BNC2: variants seen among roughly 807,000 people sequenced by gnomAD.
BNC2 encodes the protein zinc finger protein basonuclin-2.
BNC2 carries 20 observed loss-of-function variants against 76.3 expected under a neutral mutation model. The observed-to-expected ratio is 0.26, with a 90% CI of 0.18 to 0.38. BNC2 has a LOEUF of 0.38. Among genes scored for constraint, BNC2 ranks in the 10% least tolerant of loss-of-function variants. The pLI, the probability that BNC2 is intolerant of heterozygous loss-of-function variation, is 1.00. For missense variants in BNC2, 1,382 were observed against 1,399.8 expected, an observed-to-expected ratio of 0.99 and a Z score of 0.20; for synonymous variants, 582 against 514.8, an observed-to-expected ratio of 1.13 and a Z score of -1.77.
chr9:16,623,726 G>C (rs1015892593), intron 3 of BNC2, among the ~76,000 whole-genome samples: 3 of 152,192 alleles, frequency 2.0e-5, no homozygotes, highest in Non-Finnish European at 4.4e-5. Flanking sequence ...AATACCAGAT[G>C]TATGTGGGTC....
rs117348170 is a variant in BNC2, at chr9:16,425,686, A to G, written c.2640-6037T>C. ...GATGGTTTGTTTACTCCACTTTGCA[A>G]CTTTATAAATGTTGTAACTCTGAAG... On this transcript the variant is annotated intron_variant, in intron 6 of 6. Transcript: ENST00000380672. Among the ~76,000 whole-genome samples the G allele has an allele frequency of 6.6e-5, 10 of 152,376 alleles. No individual in the cohort carries two copies. The East Asian group carries it at 1.9e-3, about 29-fold the overall frequency.
At chr9:16,824,215 A>C (rs1818402468) in intron 1 of BNC2, among the ~76,000 whole-genome samples, 3 of 152,172 alleles carry the variant, frequency 2.0e-5, no homozygotes. Flanking sequence ...TATACTATTT[A>C]TTGACTCTTT....
intron 1 of BNC2, among the ~76,000 whole-genome samples, chr9:16,850,670 G>C (rs1046594001): frequency 6.6e-6 from 1 of 152,162 alleles, no homozygotes; most frequent in African/African-American, 2.4e-5. Context: ...AGGAGTTGGA[G>C]ACTAGCCTGA....
intron 1 of BNC2, among the ~76,000 whole-genome samples, chr9:16,837,515 A>G (rs1042548058): frequency 4.6e-5 from 7 of 152,184 alleles, no homozygotes; most frequent in Admixed American, 3.9e-4. Context: ...AAAAGAAAAA[A>G]GAAAGAAAAC....
At chr9:16,809,960 T>C (rs17743593) in intron 1 of BNC2, among the ~76,000 whole-genome samples, 6,367 of 152,276 alleles carry the variant, frequency 0.042, 185 homozygotes, top group Middle Eastern at 0.1. Context: ...CCATGGTCCA[T>C]TGATGGTCCT....
intron 3 of BNC2, among the ~76,000 whole-genome samples, chr9:16,637,149 C>A (rs1195721764): frequency 2.0e-5 from 3 of 151,666 alleles, no homozygotes; most frequent in East Asian, 3.9e-4. Context: ...TTATTAGCCA[C>A]ATCAAAGGGT....
Position 16,745,180 on chromosome 9 carries a change from G to A in BNC2, c.4-6695C>T, listed in dbSNP as rs148353807. On this transcript the variant is annotated intron_variant, in intron 1 of 6. Transcript: ENST00000380672. ...TTATTAGTGCAAAAGGTGTAGCCAA[G>A]CGCCTAGCATACAAGTACTAAAGTA... Among the ~76,000 whole-genome samples the A allele has an allele frequency of 1.4e-3, 209 of 152,296 alleles. 1 individual carries two copies. Among genetic ancestry groups the A allele is most frequent in the Middle Eastern group, 3.4e-3 (1 of 294 alleles).
rs558674508 is a variant in BNC2, at chr9:16,563,614, A to T, written c.434-10849T>A. Among the ~76,000 whole-genome samples, 26 of 152,346 alleles carry T rather than the reference A, an allele frequency of 1.7e-4. 1 individual carries two copies. Among genetic ancestry groups the T allele is most frequent in the Admixed American group, 6.5e-5 (1 of 15,304 alleles). On this transcript the variant is annotated intron_variant, in intron 4 of 6. Coordinates refer to ENST00000380672, the MANE Select transcript of BNC2 (RefSeq NM_017637.6). Reference sequence around the variant, plus strand: ...AATCAAGTGCTGTGTAATTTTTGGCATATAACTTGAAATGACTTCTAAGAA... The same window carrying T: ...AATCAAGTGCTGTGTAATTTTTGGCTTATAACTTGAAATGACTTCTAAGAA...
intron 1 of BNC2, among the ~76,000 whole-genome samples, chr9:16,815,615 C>G (rs373692189): frequency 1.6e-3 from 248 of 152,298 alleles, no homozygotes; most frequent in African/African-American, 5.7e-3. Context: ...TTGGACATAA[C>G]ACAATCCAAC....
At chr9:16,830,070 T>A (rs1231343220) in intron 1 of BNC2, among the ~76,000 whole-genome samples, 2 of 152,234 alleles carry the variant, frequency 1.3e-5, no homozygotes, top group Admixed American at 1.3e-4. Context: ...GCCTAGAAGG[T>A]CTGTAAAGAA....
intron 5 of BNC2, among the ~76,000 whole-genome samples, chr9:16,533,449 A>G (rs1279399452): frequency 1.3e-5 from 2 of 152,248 alleles, no homozygotes; most frequent in Middle Eastern, 3.2e-3. Flanking sequence ...AAAGCATAAA[A>G]GAGAAATAAT....
chr9:16,816,909 G>A (rs1818196634), intron 1 of BNC2, among the ~76,000 whole-genome samples: 1 of 152,174 alleles, frequency 6.6e-6, no homozygotes, highest in Non-Finnish European at 1.5e-5. Context: ...CTGGAATCAA[G>A]TGATCTCATC....
At chr9:16,460,588 A>T (rs1481172213) in intron 5 of BNC2, among the ~76,000 whole-genome samples, 1 of 152,154 alleles carries the variant, frequency 6.6e-6, no homozygotes, top group Non-Finnish European at 1.5e-5. Flanking sequence ...ATGCCGCTGC[A>T]CTCTAGCCTG....
At chr9:16,861,205 T>TATATA (rs1241413014) in intron 1 of BNC2, among the ~76,000 whole-genome samples, 6 of 141,534 alleles carry the variant, frequency 4.2e-5, no homozygotes, top group African/African-American at 1.1e-4. Flanking sequence ...TATATATAAA[T>TATATA]TAACCAGGCA....
chr9:16,638,637 T>C (rs951077337), intron 3 of BNC2, among the ~76,000 whole-genome samples: 16 of 152,090 alleles, frequency 1.1e-4, no homozygotes, highest in Non-Finnish European at 2.1e-4. Flanking sequence ...TATCATGCAT[T>C]ATGTGACATT....
chr9:16,586,286 A>C (rs2133102107), intron 3 of BNC2, among the ~76,000 whole-genome samples: 1 of 152,194 alleles, frequency 6.6e-6, no homozygotes, highest in Non-Finnish European at 1.5e-5. Flanking sequence ...CATTTTCTTA[A>C]GTCTGCACCT....
intron 1 of BNC2, among the ~76,000 whole-genome samples, chr9:16,787,499 C>G (rs1425100863): frequency 1.3e-5 from 2 of 152,154 alleles, no homozygotes; most frequent in Admixed American, 1.3e-4. Flanking sequence ...CTCTTTGTGC[C>G]TCAATTTCCT....
intron 3 of BNC2, among the ~76,000 whole-genome samples, chr9:16,584,664 T>C (rs539281230): frequency 6.6e-6 from 1 of 152,302 alleles, no homozygotes; most frequent in East Asian, 1.9e-4. Flanking sequence ...AAGTGATTAA[T>C]TTGTAGACTA....
chr9:16,768,990 C>T (rs1395584858), intron 1 of BNC2, among the ~76,000 whole-genome samples: 2 of 152,106 alleles, frequency 1.3e-5, no homozygotes, highest in South Asian at 2.1e-4. Flanking sequence ...AGGTAGGGGG[C>T]GGAACTTCCA....
Sources: allele counts gnomAD v4.1 joint callset (sites outside exome capture counted in the v4.1 genomes callset), GRCh38; gene constraint gnomAD v4.1.1; transcripts MANE v1.5; gene names NCBI Gene and HGNC (gene_info 2026-07-23, HGNC 2026-07-21).